Variants in DPYD observed in about 807,000 individuals in gnomAD.
The protein encoded by DPYD is dihydropyrimidine dehydrogenase.
Under a neutral mutation model 116.2 loss-of-function variants are expected in DPYD, and 109 were observed. The observed-to-expected ratio is 0.94, with a 90% CI of 0.80 to 1.10. The LOEUF (loss-of-function observed/expected upper bound fraction) is 1.10. DPYD is among the 50% of genes least tolerant of loss of function. The probability of loss-of-function intolerance (pLI) is 0.00; values close to 1 mark genes in which losing one functional copy is unlikely to be tolerated. For missense variants in DPYD, 1,302 were observed against 1,254.5 expected (o/e 1.04, Z -0.57); for synonymous variants, 440 against 432.0 (o/e 1.02, Z -0.23).
chr1:97,137,600 CA>C (rs1415603358), intron 20 of DPYD, among the ~76,000 whole-genome samples: 1 of 152,168 alleles, frequency 6.6e-6, no homozygotes, highest in Non-Finnish European at 1.5e-5. Context: ...GTATCTCCAT[CA>C]GTTTTTTCAT....
chr1:97,813,954 A>C (rs897759782), intron 3 of DPYD, among the ~76,000 whole-genome samples: 6 of 129,842 alleles, frequency 4.6e-5, no homozygotes, highest in East Asian at 4.9e-4. Context: ...ACACACACAC[A>C]CCCCTAAAAT....
intron 14 of DPYD, among the ~76,000 whole-genome samples, chr1:97,396,239 A>T (rs1015252631): frequency 1.3e-5 from 2 of 151,872 alleles, no homozygotes; most frequent in African/African-American, 4.8e-5. Flanking sequence ...GACAGGAAAA[A>T]AAAAACTTCA....
At chr1:97,291,724 TATA>T (rs1666190735) in intron 18 of DPYD, among the ~76,000 whole-genome samples, 4 of 151,878 alleles carry the variant, frequency 2.6e-5, no homozygotes, top group African/African-American at 9.7e-5. Context: ...CATTAGGAGA[TATA>T]CCTAATGCTA....
At chr1:97,195,634 G>A (rs1388074478) in intron 19 of DPYD, among the ~76,000 whole-genome samples, 3 of 57,732 alleles carry the variant, frequency 5.2e-5, no homozygotes, top group Non-Finnish European at 6.6e-5. Context: ...ATATGTATGT[G>A]TATATATATA....
intron 21 of DPYD, among the ~76,000 whole-genome samples, chr1:97,097,579 G>A (rs950130252): frequency 6.6e-6 from 1 of 152,202 alleles, no homozygotes; most frequent in Admixed American, 6.5e-5. Flanking sequence ...TTCTCATTAT[G>A]ACTGCTTGGA....
chr1:97,887,256 C>T (rs1428489600), intron 1 of DPYD, among the ~76,000 whole-genome samples: 2 of 151,554 alleles, frequency 1.3e-5, no homozygotes, highest in Non-Finnish European at 2.9e-5. Flanking sequence ...AAGTGGACTG[C>T]TTGAGGAATT....
intron 20 of DPYD, among the ~76,000 whole-genome samples, chr1:97,118,354 ACCTT>A (rs1158391835): frequency 6.6e-6 from 1 of 151,916 alleles, no homozygotes; most frequent in East Asian, 1.9e-4. Flanking sequence ...CCTGTCGTTA[ACCTT>A]CTGCTTAAAC....
intron 2 of DPYD, among the ~76,000 whole-genome samples, chr1:97,868,899 C>T (rs1406283285): frequency 6.6e-6 from 1 of 151,782 alleles, no homozygotes; most frequent in African/African-American, 2.4e-5. Flanking sequence ...ACATGATTTA[C>T]ATAGTTTAAG....
chr1:97,341,862 G>A (rs1208639836), intron 16 of DPYD, among the ~76,000 whole-genome samples: 1 of 152,160 alleles, frequency 6.6e-6, no homozygotes, highest in East Asian at 1.9e-4. Flanking sequence ...GTGACATCAG[G>A]TTGGTAGCTT....
In DPYD at chr1:97,715,321, C is replaced by T. The variant is rs1034115048; in HGVS notation, c.483+6189G>A. ...CACTAAGGTCTAATCACCTCCAAAA[C>T]CATGTGACAAAAATTAATGAAGATT... On this transcript the variant is annotated intron_variant, in intron 5 of 22. Transcript: ENST00000370192. 1.4e-4 allele frequency among the ~76,000 whole-genome samples: 22 copies of T among 152,142 alleles called. 1 individual carries two copies. Among genetic ancestry groups the T allele is most frequent in the Admixed American group, 1.2e-3 (19 of 15,258 alleles).
At chr1:97,646,779 G>A (rs1447790974) in intron 8 of DPYD, among the ~76,000 whole-genome samples, 1 of 152,040 alleles carries the variant, frequency 6.6e-6, no homozygotes, top group Non-Finnish European at 1.5e-5. Context: ...AGGTGGTTAT[G>A]GTGAGGGACA....
At chr1:97,822,427 A>C (rs1042377890) in intron 3 of DPYD, among the ~76,000 whole-genome samples, 1 of 148,650 alleles carries the variant, frequency 6.7e-6, no homozygotes, top group African/African-American at 2.4e-5. Flanking sequence ...ATACATTTAT[A>C]TATATTTATG....
At chr1:97,727,150 G>A (rs935588855) in intron 4 of DPYD, among the ~76,000 whole-genome samples, 2 of 151,714 alleles carry the variant, frequency 1.3e-5, no homozygotes, top group African/African-American at 4.8e-5. Flanking sequence ...TAGCATCAGA[G>A]TAAGAAGTCA....
chr1:97,662,635 A>G (rs941651506), intron 8 of DPYD, among the ~76,000 whole-genome samples: 1 of 152,072 alleles, frequency 6.6e-6, no homozygotes, highest in African/African-American at 2.4e-5. Context: ...TCTGTCTCAA[A>G]ACAAAAACAA....
intron 20 of DPYD, among the ~76,000 whole-genome samples, chr1:97,132,649 A>C (rs1653427308): frequency 6.6e-6 from 1 of 152,090 alleles, no homozygotes; most frequent in Non-Finnish European, 1.5e-5. Flanking sequence ...TCATGTGCAA[A>C]TCATCAAGAT....
At chr1:97,429,805 C>A (rs751794787) in intron 14 of DPYD, among the ~76,000 whole-genome samples, 13 of 151,950 alleles carry the variant, frequency 8.6e-5, no homozygotes, top group Non-Finnish European at 1.8e-4. Context: ...AAAAGATGTG[C>A]ATCTGAAATT....
chr1:97,203,791 TC>T (rs1659402940), intron 19 of DPYD, among the ~76,000 whole-genome samples: 2 of 62,050 alleles, frequency 3.2e-5, no homozygotes, highest in African/African-American at 1.9e-4. Flanking sequence ...ACATTCACAT[TC>T]CAAAAAAAAA....
intron 3 of DPYD, among the ~76,000 whole-genome samples, chr1:97,805,299 G>A (rs1294389091): frequency 1.3e-5 from 2 of 151,930 alleles, no homozygotes; most frequent in African/African-American, 4.8e-5. Flanking sequence ...CAGTGGATAA[G>A]AGCCAAAGAA....
intron 6 of DPYD, among the ~76,000 whole-genome samples, chr1:97,696,025 G>T (rs755034994): frequency 2.0e-5 from 3 of 151,874 alleles, no homozygotes; most frequent in Non-Finnish European, 4.4e-5. Flanking sequence ...AGCTACTTGG[G>T]AGGCGGAGGC....
Sources: gnomAD v4.1 joint callset for allele counts (sites outside exome capture counted in the v4.1 genomes callset) on GRCh38, gnomAD v4.1.1 for gene constraint, MANE v1.5 for transcripts, NCBI Gene and HGNC (gene_info 2026-07-23, HGNC 2026-07-21) for gene names.